LNPEP: variants seen among roughly 807,000 people sequenced by gnomAD.
The protein encoded by LNPEP is leucyl-cystinyl aminopeptidase.
A neutral mutation model predicts 120.6 loss-of-function variants in LNPEP; 64 were observed. The observed-to-expected ratio is 0.53, with a 90% CI of 0.43 to 0.65. LNPEP has a LOEUF of 0.65. Among genes scored for constraint, LNPEP ranks in the 30% least tolerant of loss-of-function variants. LNPEP has a pLI of 0.00. For synonymous variants in LNPEP, 435 were observed against 425.4 expected, an observed-to-expected ratio of 1.02 and a Z score of -0.28; for missense variants, 1,057 against 1,200.0, an observed-to-expected ratio of 0.88 and a Z score of 1.76.
chr5:96,992,895 C>A, intron 4 of LNPEP, 120 bp from the exon 5 acceptor site: 1 of 672,568 alleles, frequency 1.5e-6, no homozygotes, highest in Non-Finnish European at 2.4e-6. Context: ...TGTTTCTATC[C>A]AGAAGGATCT....
At chr5:96,948,007 T>C (rs1362406074) in intron 1 of LNPEP, among the ~76,000 whole-genome samples, 2 of 152,204 alleles carry the variant, frequency 1.3e-5, no homozygotes, top group Non-Finnish European at 2.9e-5. Context: ...ACAGAAAATA[T>C]AGCAAAGCAT....
At chr5:96,953,116 C>T (rs761478832) in intron 1 of LNPEP, among the ~76,000 whole-genome samples, 13 of 151,912 alleles carry the variant, frequency 8.6e-5, no homozygotes, top group Admixed American at 1.3e-4. Flanking sequence ...GGGACCAGCC[C>T]GTGGGGTTTG....
rs1213827650 is a variant in LNPEP at position 96,979,523 on chromosome 5, C to T, written c.405C>T (p.Thr135=). The change falls in exon 2 of 18, where the codon ACC becomes ACT. Residue 135 remains threonine (T), a synonymous_variant. Transcript: ENST00000231368. The part of the protein sequence containing the change: ...IMVIYLLPRC[T]FTKEGCHKKN... Reference sequence around the variant, plus strand: ...TGATTTACTTACTGCCCAGATGTACCTTTACCAAAGAAGGCTGCCATAAAA... The same window carrying T: ...TGATTTACTTACTGCCCAGATGTACTTTTACCAAAGAAGGCTGCCATAAAA... 1 of 1,614,034 alleles carries T rather than the reference C, an allele frequency of 6.2e-7. No individual in the cohort carries two copies. The highest frequency in any genetic ancestry group is 1.7e-5 in the Admixed American group (1 of 59,988).
intron 13 of LNPEP, among the ~76,000 whole-genome samples, chr5:97,019,602 G>C (rs1219138851): frequency 6.6e-6 from 1 of 152,144 alleles, no homozygotes; most frequent in East Asian, 1.9e-4. Context: ...AACTGCTCAG[G>C]AATTAGCCAC....
At chr5:96,960,004 T>A (rs1348374277) in intron 1 of LNPEP, among the ~76,000 whole-genome samples, 1 of 150,146 alleles carries the variant, frequency 6.7e-6, no homozygotes. Flanking sequence ...AATGGTGTGA[T>A]CTTGGCTCAC....
intron 8 of LNPEP, among the ~76,000 whole-genome samples, chr5:96,999,731 G>A (rs1038648121): frequency 7.9e-5 from 12 of 151,930 alleles, no homozygotes; most frequent in African/African-American, 2.7e-4. Context: ...AGTGTCTTCT[G>A]AATATGTAGT....
chr5:96,954,618 C>CTCTCTA lies in LNPEP; in HGVS notation c.19+18445_19+18446insCTCTAT, dbSNP rs1554066312. On this transcript the variant is annotated intron_variant, in intron 1 of 17. Transcript: ENST00000231368. Reference sequence around the variant, plus strand: ...TGCAAGTCTCTCTCTCTCTCTCTCTCTATATATATATATACATATATACAT... The same window carrying CTCTCTA: ...TGCAAGTCTCTCTCTCTCTCTCTCTCTCTCTATATATATATATATACATATATACAT... Among the ~76,000 whole-genome samples the CTCTCTA allele has an allele frequency of 2.4e-4, 14 of 57,536 alleles. 1 individual carries two copies. Among genetic ancestry groups the CTCTCTA allele is most frequent in the Non-Finnish European group, 4.4e-4 (10 of 22,966 alleles). 37.7% of individuals were successfully genotyped at this position (57,536 alleles called of 152,430 possible). A position where few individuals can be genotyped will look rare whatever the true frequency, so the allele number is the denominator to read the frequency against.
At chr5:96,972,616 T>A (rs1382533839) in intron 1 of LNPEP, among the ~76,000 whole-genome samples, 1 of 152,114 alleles carries the variant, frequency 6.6e-6, no homozygotes, top group African/African-American at 2.4e-5. Context: ...GTTGGGAAAT[T>A]GTCCCCAGAG....
At chr5:96,945,437 G>T (rs1367360384) in intron 1 of LNPEP, among the ~76,000 whole-genome samples, 1 of 151,428 alleles carries the variant, frequency 6.6e-6, no homozygotes, top group Non-Finnish European at 1.5e-5. Context: ...GATCAGAAAG[G>T]TCTTTTTCTA....
intron 11 of LNPEP, among the ~76,000 whole-genome samples, chr5:97,008,493 G>A (rs1220692841): frequency 2.7e-5 from 4 of 150,334 alleles, no homozygotes; most frequent in Non-Finnish European, 4.4e-5. Flanking sequence ...TAGGACCACA[G>A]GCATGTATCA....
intron 1 of LNPEP, chr5:96,943,216 A>T: frequency 7.7e-6 from 2 of 261,064 alleles, no homozygotes; most frequent in East Asian, 8.9e-5. Flanking sequence ...AATGATTACC[A>T]GTTGTTTAAA....
rs1294546226 is a variant in LNPEP, at chr5:96,996,410, A to C, written c.1428A>C (p.Thr476=). The C allele has an allele frequency of 6.2e-7, 1 of 1,609,288 alleles. No homozygotes were observed. The highest frequency in any genetic ancestry group is 8.5e-7 in the Non-Finnish European group (1 of 1,175,906). Residue 476 remains threonine (T), a synonymous_variant, in exon 7 of 18, where the codon ACA becomes ACC. Transcript: ENST00000231368. The part of the protein sequence containing the change: ...LAHQWFGNLV[T]MKWWNDLWLN... ...CCCAGTGGTTTGGCAATCTGGTAACAATGAAGTGGTGGAATGACCTATGGC... is the reference window on the plus strand; with the variant it reads ...CCCAGTGGTTTGGCAATCTGGTAACCATGAAGTGGTGGAATGACCTATGGC...
intron 7 of LNPEP, among the ~76,000 whole-genome samples, chr5:96,997,507 G>A (rs558028046): frequency 6.6e-6 from 1 of 152,084 alleles, no homozygotes; most frequent in African/African-American, 2.4e-5. Context: ...GAGCTCATCT[G>A]CTGAGCTCTT....
chr5:97,008,964 T>G (rs1297933717), intron 11 of LNPEP, among the ~76,000 whole-genome samples: 1 of 152,116 alleles, frequency 6.6e-6, no homozygotes, highest in African/African-American at 2.4e-5. Flanking sequence ...CTCTTTACTC[T>G]TTACCTGAGT....
chr5:96,961,163 G>A (rs1266083234), intron 1 of LNPEP, among the ~76,000 whole-genome samples: 4 of 151,920 alleles, frequency 2.6e-5, no homozygotes, highest in African/African-American at 9.7e-5. Flanking sequence ...TATTTGAAAA[G>A]GATTCACCTT....
chr5:97,003,282 G>A, intron 8 of LNPEP, 133 bp from the exon 9 acceptor site: 1 of 556,964 alleles, frequency 1.8e-6, no homozygotes, highest in South Asian at 2.3e-5. Flanking sequence ...CTAAGTAGCA[G>A]TATATTATAA....
intron 1 of LNPEP, among the ~76,000 whole-genome samples, chr5:96,960,546 G>A (rs1307845038): frequency 6.6e-6 from 1 of 152,116 alleles, no homozygotes; most frequent in East Asian, 1.9e-4. Context: ...TACCTTTTCA[G>A]CCAGGATACA....
rs140619424 is a variant in LNPEP, at chr5:96,978,325, T to C, written c.20-813T>C. Among the ~76,000 whole-genome samples the C allele has an allele frequency of 6.4e-3, 967 of 152,266 alleles. 10 individuals carry two copies. The highest frequency in any genetic ancestry group is 0.022 in the African/African-American group (914 of 41,550). On this transcript the variant is annotated intron_variant, in intron 1 of 17. Coordinates refer to ENST00000231368, the MANE Select transcript of LNPEP (RefSeq NM_005575.3). ...AGCTCCCACTGAGATCCACTAACAC[T>C]CATGGTGTGCAGTATGGTTGTTTCC...
intron 13 of LNPEP, among the ~76,000 whole-genome samples, chr5:97,016,417 G>A (rs1424581585): frequency 6.6e-6 from 1 of 152,084 alleles, no homozygotes; most frequent in Non-Finnish European, 1.5e-5. Flanking sequence ...CAGTGCCAAG[G>A]TAGATATTTC....
Sources: gnomAD v4.1 joint callset for allele counts (sites outside exome capture counted in the v4.1 genomes callset) on GRCh38, gnomAD v4.1.1 for gene constraint, MANE v1.5 for transcripts, NCBI Gene and HGNC (gene_info 2026-07-23, HGNC 2026-07-21) for gene names.